USPL1: variants seen among roughly 807,000 people sequenced by gnomAD.
USPL1 encodes the protein ubiquitin specific peptidase like 1.
Under a neutral mutation model 51.5 loss-of-function variants are expected in USPL1, and 27 were observed. The ratio of observed to expected loss-of-function variants is 0.52; its 90% CI spans 0.39 to 0.72. The LOEUF is 0.72. Ranked by LOEUF, USPL1 falls within the 30% of genes least tolerant of loss-of-function variation. The pLI, the probability that USPL1 is intolerant of heterozygous loss-of-function variation, is 0.00. For synonymous variants in USPL1, 451 were observed against 459.6 expected, an observed-to-expected ratio of 0.98 and a Z score of 0.24; for missense variants, 1,226 against 1,268.0, an observed-to-expected ratio of 0.97 and a Z score of 0.50.
rs141378094 is a variant in USPL1 at position 30,659,179 on chromosome 13, A to T, written c.3102A>T (p.Pro1034=). ...HNYCSPTKKN[P]CEVQPDSLTN... is the part of the protein sequence containing the mutation. ...ATTGTAGCCCCACCAAGAAAAATCC[A>T]TGTGAAGTTCAGCCAGACTCTCTGA... is the stretch of plus-strand genomic sequence containing the variant. The change falls in exon 9 of 9, where the codon CCA becomes CCT. Residue 1034 remains proline, a synonymous_variant. Coordinates refer to ENST00000255304, the MANE Select transcript of USPL1 (RefSeq NM_005800.5). The T allele has an allele frequency of 3.3e-5, 54 of 1,614,040 alleles. No homozygotes were observed. Among genetic ancestry groups the T allele is most frequent in the Non-Finnish European group, 4.5e-5 (53 of 1,180,030 alleles).
chr13:30,658,007 C>G lies in USPL1; in HGVS notation c.1930C>G (p.Leu644Val). Residue 644 changes from leucine (L) to valine (V), a missense_variant, in exon 9 of 9, where the codon CTT becomes GTT. Physicochemically the swap from Leu to Val is conservative, Grantham distance 32. Coordinates refer to ENST00000255304, the MANE Select transcript of USPL1 (RefSeq NM_005800.5). ...AGTATCAGCTCCATGTAATGAAAAG[C>G]TTATTCAAGACCAATTTGTGGACAT... ...SSVSAPCNEK[L>V]IQDQFVDISF... is the part of the protein sequence containing the mutation. The G allele has an allele frequency of 6.2e-7, 1 of 1,613,442 alleles. No homozygotes were observed. The highest frequency in any genetic ancestry group is 8.5e-7 in the Non-Finnish European group (1 of 1,179,984).
At chr13:30,633,569 G>A (rs1378457616) in intron 4 of USPL1, among the ~76,000 whole-genome samples, 13 of 151,870 alleles carry the variant, frequency 8.6e-5, no homozygotes, top group African/African-American at 2.7e-4. Context: ...TCAAGAGTTC[G>A]AGACCAGCCT....
intron 4 of USPL1, among the ~76,000 whole-genome samples, chr13:30,637,213 G>A (rs1426642182): frequency 2.6e-5 from 4 of 152,056 alleles, no homozygotes; most frequent in African/African-American, 4.8e-5. Flanking sequence ...ATGTGGAACC[G>A]GATAAACACT....
At chr13:30,638,292 T>A (rs975786052) in intron 5 of USPL1, among the ~76,000 whole-genome samples, 6 of 152,156 alleles carry the variant, frequency 3.9e-5, no homozygotes, top group African/African-American at 1.4e-4. Context: ...CCCACATGAT[T>A]GTTATATGTA....
At chr13:30,656,141 A>G (rs6490476) in intron 8 of USPL1, among the ~76,000 whole-genome samples, 75,912 of 151,942 alleles carry the variant, frequency 0.5, 21,582 homozygotes, top group African/African-American at 0.78. Context: ...CCCTCCCTTA[A>G]CCCCACACCA....
chr13:30,624,515 G>A (rs1950685377), intron 3 of USPL1, among the ~76,000 whole-genome samples: 1 of 152,198 alleles, frequency 6.6e-6, no homozygotes, highest in African/African-American at 2.4e-5. Context: ...CTACCCGGGA[G>A]GGGGACTACG....
At chr13:30,619,911 T>G (rs1004043645) in intron 1 of USPL1, among the ~76,000 whole-genome samples, 1 of 152,218 alleles carries the variant, frequency 6.6e-6, no homozygotes, top group South Asian at 2.1e-4. Context: ...AGGAAACTTT[T>G]GGCTGTTGGA....
chr13:30,653,537 C>A (rs576987565), intron 8 of USPL1, among the ~76,000 whole-genome samples: 2 of 152,062 alleles, frequency 1.3e-5, no homozygotes, highest in African/African-American at 4.8e-5. Flanking sequence ...TAAACACATG[C>A]GCATGTGTGT....
Position 30,658,445 on chromosome 13 carries a change from GT to G in USPL1, c.2370del (p.Val793Ter). ...CACTATAACTGATTTACAACCTTCA[GT>G]TAAAGGGGTAAATAATTTTGGTGGC... is the stretch of plus-strand genomic sequence containing the variant. ...RNTITDLQPS[V>X]KGVNNFGGFK... On this transcript the variant is annotated frameshift_variant, in exon 9 of 9. Coordinates refer to ENST00000255304, the MANE Select transcript of USPL1 (RefSeq NM_005800.5). LOFTEE classifies it low-confidence loss of function (END_TRUNC). 8.7e-6 allele frequency: 14 copies of G among 1,613,754 alleles called. No homozygotes were observed. Among genetic ancestry groups the G allele is most frequent in the Non-Finnish European group, 1.2e-5 (14 of 1,180,046 alleles).
At chr13:30,632,859 C>G (rs546826233) in intron 4 of USPL1, among the ~76,000 whole-genome samples, 102 of 152,270 alleles carry the variant, frequency 6.7e-4, no homozygotes, top group African/African-American at 2.4e-3. Flanking sequence ...CCTAAGATCT[C>G]TTGGCACAAT....
chr13:30,652,124 C>T (rs1381699758), intron 7 of USPL1, among the ~76,000 whole-genome samples: 1 of 152,128 alleles, frequency 6.6e-6, no homozygotes, highest in Non-Finnish European at 1.5e-5. Flanking sequence ...GTTTAATTGG[C>T]AGCATGTTTT....
intron 5 of USPL1, 115 bp from the exon 6 acceptor site, chr13:30,642,513 G>T: frequency 1.5e-6 from 2 of 1,292,714 alleles, no homozygotes; most frequent in South Asian, 2.9e-5. Flanking sequence ...GTGTCATACT[G>T]TATTAACACA....
intron 6 of USPL1, among the ~76,000 whole-genome samples, chr13:30,645,433 G>A (rs1951005208): frequency 6.6e-6 from 1 of 152,166 alleles, no homozygotes; most frequent in South Asian, 2.1e-4. Context: ...TGTTAAATGC[G>A]TTTTAGAGAT....
At chr13:30,625,455 T>G (rs1266991027) in intron 3 of USPL1, among the ~76,000 whole-genome samples, 1 of 144,894 alleles carries the variant, frequency 6.9e-6, no homozygotes, top group Admixed American at 6.7e-5. Context: ...TTTTTTTTTT[T>G]TTTTTTTTTG....
At chr13:30,645,374 G>A (rs1287821632) in intron 6 of USPL1, among the ~76,000 whole-genome samples, 3 of 152,200 alleles carry the variant, frequency 2.0e-5, no homozygotes, top group African/African-American at 4.8e-5. Flanking sequence ...CAGTGACTTC[G>A]TAATTAATCT....
rs546138075 is a variant in USPL1, at chr13:30,621,964, A to G, written c.228+72A>G. ...TTTTGCTTTTTTATTAATTGTTTTA[A>G]AAGTTTACTCATTTTTTGTTTTTTA... On this transcript the variant is annotated intron_variant, in intron 3 of 8. Coordinates refer to ENST00000255304, the MANE Select transcript of USPL1 (RefSeq NM_005800.5). The G allele has an allele frequency of 3.5e-6, 4 of 1,139,350 alleles. No homozygotes were observed. The South Asian group carries it at 1.4e-4, about 41-fold the overall frequency. The allele number at this position is 1,139,350 out of a possible 1,614,324, so 70.6% of individuals were successfully genotyped here.
At chr13:30,644,256 C>T (rs1411826452) in intron 6 of USPL1, among the ~76,000 whole-genome samples, 1 of 151,836 alleles carries the variant, frequency 6.6e-6, no homozygotes, top group Non-Finnish European at 1.5e-5. Context: ...GCACTCCAGC[C>T]TGGTCAACAA....
intron 5 of USPL1, among the ~76,000 whole-genome samples, chr13:30,640,202 A>G (rs1248997344): frequency 6.6e-6 from 1 of 152,202 alleles, no homozygotes; most frequent in African/African-American, 2.4e-5. Context: ...AGACCTGAAG[A>G]TTTTATATTG....
intron 4 of USPL1, 53 bp downstream of exon 4, chr13:30,631,527 G>A: frequency 6.7e-7 from 1 of 1,483,164 alleles, no homozygotes; most frequent in Non-Finnish European, 9.0e-7. Context: ...TGGAGTCAGG[G>A]TCTCATTCTG....
Sources: gnomAD v4.1 joint callset for allele counts (sites outside exome capture counted in the v4.1 genomes callset) on GRCh38, gnomAD v4.1.1 for gene constraint, MANE v1.5 for transcripts, NCBI Gene and HGNC (gene_info 2026-07-23, HGNC 2026-07-21) for gene names.